The following SRGAP3 variants were observed in gnomAD, a reference collection of about 807,000 sequenced individuals.
The protein encoded by SRGAP3 is SLIT-ROBO Rho GTPase-activating protein 3.
Under a neutral mutation model 121.1 loss-of-function variants are expected in SRGAP3, and 39 were observed. The ratio of observed to expected loss-of-function variants is 0.32; its 90% CI spans 0.25 to 0.42. The LOEUF is 0.42. Ranked by LOEUF, SRGAP3 falls within the 10% of genes least tolerant of loss-of-function variation. The probability of loss-of-function intolerance (pLI) is 1.00; values close to 1 mark genes in which losing one functional copy is unlikely to be tolerated. For synonymous variants in SRGAP3, 601 were observed against 570.0 expected, an observed-to-expected ratio of 1.05 and a Z score of -0.77; for missense variants, 1,213 against 1,470.6, an observed-to-expected ratio of 0.82 and a Z score of 2.86.
At chr3:9,150,738 C>G (rs555121448) in intron 1 of SRGAP3, among the ~76,000 whole-genome samples, 6 of 152,104 alleles carry the variant, frequency 3.9e-5, no homozygotes, top group African/African-American at 1.4e-4. Flanking sequence ...TGCTCCGCCT[C>G]TATGAAGGAA....
In SRGAP3 at chr3:9,239,938, CAG is replaced by C. The variant is rs758781766; in HGVS notation, c.67+8945_67+8946del. On this transcript the variant is annotated intron_variant, in intron 1 of 21. Transcript: ENST00000383836. The surrounding 1 kb of genome is among the most constrained non-coding windows in gnomAD (Gnocchi z 4.0). Reference sequence around the variant, plus strand: ...ATATTCTAAAATGTAACTCAGAAAACAGAGTCTTGTGACCCAGTCCATGAAAA... The same window carrying C: ...ATATTCTAAAATGTAACTCAGAAAACAGTCTTGTGACCCAGTCCATGAAAA... Among the ~76,000 whole-genome samples the C allele has an allele frequency of 7.9e-5, 12 of 152,140 alleles. No homozygotes were observed. Among genetic ancestry groups the C allele is most frequent in the Non-Finnish European group, 8.8e-5 (6 of 68,020 alleles).
intron 1 of SRGAP3, chr3:9,330,643 T>G (rs1037045933): frequency 2.0e-5 from 3 of 152,144 alleles, no homozygotes; most frequent in African/African-American, 7.2e-5. Context: ...AGGAGTTTAA[T>G]TGAGCAATGA....
At chr3:9,346,521 A>G (rs1271302554) in intron 1 of SRGAP3, among the ~76,000 whole-genome samples, 3 of 152,168 alleles carry the variant, frequency 2.0e-5, no homozygotes. Flanking sequence ...CCCCACCAGA[A>G]GTGAAATGAA....
At chr3:9,305,089 A>AATT (rs1955133850) in intron 3 of SRGAP3, among the ~76,000 whole-genome samples, 1 of 152,172 alleles carries the variant, frequency 6.6e-6, no homozygotes, top group Non-Finnish European at 1.5e-5. Flanking sequence ...AGACATACAA[A>AATT]AGACTAATTG....
chr3:9,312,848 C>G (rs1955273167), intron 3 of SRGAP3, among the ~76,000 whole-genome samples: 1 of 151,998 alleles, frequency 6.6e-6, no homozygotes, highest in Non-Finnish European at 1.5e-5. Context: ...AAAAATTAGC[C>G]AGGTGTGGTG....
intron 1 of SRGAP3, among the ~76,000 whole-genome samples, chr3:9,340,992 G>A (rs1301104493): frequency 6.6e-6 from 1 of 152,186 alleles, no homozygotes; most frequent in Non-Finnish European, 1.5e-5. Flanking sequence ...AGCCAGTATG[G>A]CTGGGTTTTG....
chr3:9,332,315 T>C (rs1955622180), intron 1 of SRGAP3, among the ~76,000 whole-genome samples: 1 of 152,184 alleles, frequency 6.6e-6, no homozygotes, highest in Non-Finnish European at 1.5e-5. Flanking sequence ...GGACAGGGTT[T>C]CACCATGTTG....
intron 1 of SRGAP3, among the ~76,000 whole-genome samples, chr3:9,220,420 T>C (rs916797290): frequency 5.3e-5 from 8 of 152,200 alleles, no homozygotes; most frequent in Non-Finnish European, 1.2e-4. Flanking sequence ...AACATCAAGA[T>C]GAAGCCTCCT....
intron 1 of SRGAP3, among the ~76,000 whole-genome samples, chr3:9,220,476 C>A (rs561026478): frequency 6.6e-6 from 1 of 152,182 alleles, no homozygotes; most frequent in Non-Finnish European, 1.5e-5. Context: ...CCTGCTCTTT[C>A]CTCCCTAAAA....
At chr3:9,332,517 G>C (rs776664358) in intron 1 of SRGAP3, among the ~76,000 whole-genome samples, 7 of 152,146 alleles carry the variant, frequency 4.6e-5, no homozygotes, top group Admixed American at 1.3e-4. Context: ...CTTCCAAATG[G>C]ACCAAAGGTT....
intron 1 of SRGAP3, among the ~76,000 whole-genome samples, chr3:9,231,299 CT>C (rs1280724649): frequency 2.0e-5 from 3 of 152,240 alleles, no homozygotes; most frequent in Non-Finnish European, 4.4e-5. Context: ...CAGGATTTGC[CT>C]TCTCACAATC....
At position 9,249,098 on chromosome 3, in the gene SRGAP3, G is replaced by T; in HGVS notation, c.-147C>A. The T allele has an allele frequency of 1.2e-6, 1 of 800,878 alleles. No individual in the cohort carries two copies. Among genetic ancestry groups the T allele is most frequent in the Non-Finnish European group, 2.1e-6 (1 of 475,692 alleles). The allele number at this position is 800,878 out of a possible 1,614,324, so 49.6% of individuals were successfully genotyped here. A position where few individuals can be genotyped will look rare whatever the true frequency, so the allele number is the denominator to read the frequency against. On this transcript the variant is annotated 5_prime_UTR_variant, in exon 1 of 22. Coordinates refer to ENST00000383836, the MANE Select transcript of SRGAP3 (RefSeq NM_014850.4). ...TCTCTTTCACTTGGCTGCAGAGCAG[G>T]GAGAAAAATCCTTCTCCTTCTGGAA...
intron 13 of SRGAP3, among the ~76,000 whole-genome samples, chr3:9,026,180 C>T (rs931461638): frequency 4.6e-5 from 7 of 152,168 alleles, no homozygotes; most frequent in African/African-American, 1.7e-4. Context: ...CAAACATCAC[C>T]CCCTCGGAGA....
At chr3:9,121,976 C>T (rs1274383287) in intron 2 of SRGAP3, among the ~76,000 whole-genome samples, 2 of 152,164 alleles carry the variant, frequency 1.3e-5, no homozygotes, top group Non-Finnish European at 2.9e-5. Flanking sequence ...CACCTAGGCC[C>T]TTTCTTATCC....
rs145444463 is a variant in SRGAP3, at chr3:9,168,130, C to T, written c.68-43213G>A. 6.8e-3 allele frequency among the ~76,000 whole-genome samples: 1,036 copies of T among 152,314 alleles called. 13 individuals carry two copies. The highest frequency in any genetic ancestry group is 0.024 in the African/African-American group (979 of 41,558). On this transcript the variant is annotated intron_variant, in intron 1 of 21. Coordinates refer to ENST00000383836, the MANE Select transcript of SRGAP3 (RefSeq NM_014850.4). ...ATCCAAGGGTATAACTAGCAAGTGGCAGCATGTCTTTGTCAACAGGAGTGC... is the reference window on the plus strand; with the variant it reads ...ATCCAAGGGTATAACTAGCAAGTGGTAGCATGTCTTTGTCAACAGGAGTGC...
chr3:9,176,104 T>G (rs1951171386), intron 1 of SRGAP3, among the ~76,000 whole-genome samples: 1 of 152,106 alleles, frequency 6.6e-6, no homozygotes, highest in African/African-American at 2.4e-5. Flanking sequence ...GTATTTTTAG[T>G]AGAGATAGGG....
intron 1 of SRGAP3, among the ~76,000 whole-genome samples, chr3:9,141,796 G>A (rs993877309): frequency 6.6e-6 from 1 of 152,054 alleles, no homozygotes; most frequent in Admixed American, 6.6e-5. Context: ...GTTGTCAGCT[G>A]GTCAAGTTTC....
At chr3:9,090,839 G>GT (rs1441993590) in intron 3 of SRGAP3, among the ~76,000 whole-genome samples, 3 of 152,030 alleles carry the variant, frequency 2.0e-5, no homozygotes, top group Non-Finnish European at 4.4e-5. Flanking sequence ...TTTTCACCAT[G>GT]TTGGCCAGGC....
chr3:9,006,566 A>G (rs925404507), intron 18 of SRGAP3, among the ~76,000 whole-genome samples: 5 of 152,210 alleles, frequency 3.3e-5, no homozygotes, highest in African/African-American at 1.2e-4. Context: ...GACAGAGCCA[A>G]ACAACTGTAT....
Sources: gnomAD v4.1 joint callset for allele counts (sites outside exome capture counted in the v4.1 genomes callset) on GRCh38, gnomAD v4.1.1 for gene constraint, Gnocchi (gnomAD v3.1) non-coding constraint, MANE v1.5 for transcripts, NCBI Gene and HGNC (gene_info 2026-07-23, HGNC 2026-07-21) for gene names.